Variants in LDLRAD4 observed in about 807,000 individuals in gnomAD.
LDLRAD4 encodes the protein low-density lipoprotein receptor class A domain-containing protein 4.
Under a neutral mutation model 17.0 loss-of-function variants are expected in LDLRAD4, and 5 were observed. The ratio of observed to expected loss-of-function variants is 0.29; its 90% CI spans 0.15 to 0.62. The LOEUF is 0.62. Ranked by LOEUF, LDLRAD4 falls within the 20% of genes least tolerant of loss-of-function variation. The pLI is 0.84. For synonymous variants in LDLRAD4, 168 were observed against 171.8 expected (o/e 0.98, Z 0.17); for missense variants, 340 against 424.7 (o/e 0.80, Z 1.75).
At chr18:13,638,474 G>A (rs2042261313) in intron 4 of LDLRAD4, among the ~76,000 whole-genome samples, 1 of 152,072 alleles carries the variant, frequency 6.6e-6, no homozygotes, top group Non-Finnish European at 1.5e-5. Context: ...TTGTTCCAGG[G>A]AGAAAATAAG....
chr18:13,446,394 A>G (rs1186326446), intron 3 of LDLRAD4, among the ~76,000 whole-genome samples: 1 of 152,182 alleles, frequency 6.6e-6, no homozygotes, highest in Non-Finnish European at 1.5e-5. Context: ...GTGGGGATCA[A>G]ACCAACCGTC....
At position 13,490,948 on chromosome 18, in the gene LDLRAD4, C is replaced by T. The variant is rs570687076; in HGVS notation, c.181+52564C>T. 5.9e-5 allele frequency among the ~76,000 whole-genome samples: 9 copies of T among 152,300 alleles called. No individual in the cohort carries two copies. In the South Asian group the frequency reaches 1.7e-3, roughly 28 times the overall value. On this transcript the variant is annotated intron_variant, in intron 3 of 5. Coordinates refer to ENST00000359446, the Ensembl canonical transcript of LDLRAD4. ...GTCTCTGGACGATATTCTGTATCTC[C>T]AGCCTGAACCTCTCAGATGTTGGAA...
At chr18:13,306,104 C>T (rs1286203049) in intron 1 of LDLRAD4, among the ~76,000 whole-genome samples, 2 of 152,080 alleles carry the variant, frequency 1.3e-5, no homozygotes, top group African/African-American at 4.8e-5. Flanking sequence ...AGAATATCTG[C>T]CTCTATAGGT....
Position 13,398,043 on chromosome 18 carries a change from C to T in LDLRAD4, c.40+10281C>T, listed in dbSNP as rs534469348. On this transcript the variant is annotated intron_variant, in intron 2 of 5. Transcript: ENST00000359446. This position sits in a 1 kb window ranked among gnomAD's most constrained non-coding sequence, Gnocchi z 4.8. Reference sequence around the variant, plus strand: ...TTGTGGCTCAGGATCTGCACAGGCCCGAGAGACCCTCCTTGAGGACGCAGT... The same window carrying T: ...TTGTGGCTCAGGATCTGCACAGGCCTGAGAGACCCTCCTTGAGGACGCAGT... Among the ~76,000 whole-genome samples, 6 of 152,234 alleles carry T rather than the reference C, an allele frequency of 3.9e-5. No individual in the cohort carries two copies. The highest frequency in any genetic ancestry group is 2.0e-4 in the Admixed American group (3 of 15,298).
intron 1 of LDLRAD4, among the ~76,000 whole-genome samples, chr18:13,254,207 G>A (rs1242035326): frequency 6.6e-6 from 1 of 152,250 alleles, no homozygotes; most frequent in African/African-American, 2.4e-5. Flanking sequence ...CTGTCTGGGT[G>A]GAGGGCACAG....
intron 1 of LDLRAD4, among the ~76,000 whole-genome samples, chr18:13,303,266 A>G (rs911789684): frequency 2.6e-5 from 4 of 152,120 alleles, no homozygotes; most frequent in African/African-American, 9.7e-5. Flanking sequence ...TTTTCCCTAG[A>G]GGCAGGGTCT....
At chr18:13,521,893 C>T (rs1202316930) in intron 3 of LDLRAD4, 1 of 150,014 alleles carries the variant, frequency 6.7e-6, no homozygotes, top group East Asian at 1.9e-4. Flanking sequence ...GGTGAGTAAT[C>T]AGCTCCAAGA....
chr18:13,510,839 G>A (rs1370207479), intron 3 of LDLRAD4, among the ~76,000 whole-genome samples: 1 of 152,164 alleles, frequency 6.6e-6, no homozygotes, highest in Admixed American at 6.5e-5. Context: ...CTGGGGCAGA[G>A]GGAGATACGG....
At chr18:13,312,146 T>G (rs2047274977) in intron 1 of LDLRAD4, among the ~76,000 whole-genome samples, 1 of 152,172 alleles carries the variant, frequency 6.6e-6, no homozygotes, top group African/African-American at 2.4e-5. Flanking sequence ...AATCTGAAAC[T>G]TTTTGAGTGC....
chr18:13,492,287 C>T (rs145806942), intron 3 of LDLRAD4, among the ~76,000 whole-genome samples: 130 of 152,354 alleles, frequency 8.5e-4, no homozygotes, highest in African/African-American at 3.0e-3. Flanking sequence ...GGATTTCTCC[C>T]CTATTCCCGG....
intron 2 of LDLRAD4, among the ~76,000 whole-genome samples, chr18:13,415,049 A>G (rs1051653772): frequency 6.6e-6 from 1 of 152,142 alleles, no homozygotes; most frequent in Admixed American, 6.5e-5. Flanking sequence ...AAGAAGTTTT[A>G]TATCTTCTTT....
At chr18:13,305,161 CTATTT>C (rs759997573) in intron 1 of LDLRAD4, among the ~76,000 whole-genome samples, 25 of 151,936 alleles carry the variant, frequency 1.6e-4, no homozygotes, top group Non-Finnish European at 4.4e-5. Context: ...AGATACTAGT[CTATTT>C]TGTCATTTTT....
At chr18:13,612,386 C>G (rs1411247012) in intron 3 of LDLRAD4, 3 of 1,185,916 alleles carry the variant, frequency 2.5e-6, no homozygotes, top group Non-Finnish European at 3.2e-6. Flanking sequence ...TGCTCGGTGA[C>G]ACGGCCGGCT....
intron 1 of LDLRAD4, among the ~76,000 whole-genome samples, chr18:13,342,802 A>G (rs1599545331): frequency 6.6e-6 from 1 of 151,720 alleles, no homozygotes; most frequent in Non-Finnish European, 1.5e-5. Flanking sequence ...ATTCCATTCT[A>G]CCAACCTACA....
chr18:13,605,324 C>A (rs1273137230), intron 3 of LDLRAD4, among the ~76,000 whole-genome samples: 1 of 152,226 alleles, frequency 6.6e-6, no homozygotes, highest in Non-Finnish European at 1.5e-5. Context: ...CTCAAGTGAT[C>A]CTCCTGCTTC....
chr18:13,516,509 G>A (rs1365159693), intron 3 of LDLRAD4, among the ~76,000 whole-genome samples: 2 of 152,172 alleles, frequency 1.3e-5, no homozygotes, highest in African/African-American at 2.4e-5. Flanking sequence ...CTCTGGTAGC[G>A]CCCTCCTTCA....
At chr18:13,247,364 T>C (rs1365817355) in intron 1 of LDLRAD4, among the ~76,000 whole-genome samples, 2 of 152,212 alleles carry the variant, frequency 1.3e-5, no homozygotes, top group Non-Finnish European at 2.9e-5. Flanking sequence ...AAATTAACGT[T>C]GGTAGAAAAC....
chr18:13,248,266 C>T (rs919561481), intron 1 of LDLRAD4, among the ~76,000 whole-genome samples: 4 of 152,222 alleles, frequency 2.6e-5, no homozygotes, highest in African/African-American at 9.6e-5. Context: ...CGGCCATAGC[C>T]CCACTTTTTT....
At chr18:13,513,543 T>G (rs12962739) in intron 3 of LDLRAD4, among the ~76,000 whole-genome samples, 264 of 152,316 alleles carry the variant, frequency 1.7e-3, no homozygotes, top group Middle Eastern at 3.4e-3. Flanking sequence ...GGGGATCCCG[T>G]GGGGAGCTGG....
Sources: gnomAD v4.1 joint callset for allele counts (sites outside exome capture counted in the v4.1 genomes callset) on GRCh38, gnomAD v4.1.1 for gene constraint, Gnocchi (gnomAD v3.1) non-coding constraint, MANE v1.5 for transcripts, NCBI Gene and HGNC (gene_info 2026-07-23, HGNC 2026-07-21) for gene names.